The following HHAT variants were observed in gnomAD, a reference collection of about 807,000 sequenced individuals.
The protein encoded by HHAT is protein-cysteine N-palmitoyltransferase HHAT.
A neutral mutation model predicts 70.8 loss-of-function variants in HHAT; 47 were observed. That is an observed-to-expected ratio of 0.66 (90% CI 0.53 to 0.85). The LOEUF is 0.85. HHAT is among the 40% of genes least tolerant of loss of function. HHAT has a pLI of 0.00. For synonymous variants in HHAT, 228 were observed against 247.6 expected, an observed-to-expected ratio of 0.92 and a Z score of 0.74; for missense variants, 609 against 604.8, an observed-to-expected ratio of 1.01 and a Z score of -0.07.
chr1:210,367,419 G>C (rs1203013609), intron 3 of HHAT, among the ~76,000 whole-genome samples: 1 of 152,154 alleles, frequency 6.6e-6, no homozygotes, highest in Non-Finnish European at 1.5e-5. Context: ...AGTGGGCTAA[G>C]TGGGACAGTG....
chr1:210,344,846 G>C (rs1208903438), intron 1 of HHAT, among the ~76,000 whole-genome samples: 1 of 151,784 alleles, frequency 6.6e-6, no homozygotes, highest in Admixed American at 6.6e-5. Flanking sequence ...CTGAGCCCCA[G>C]ATGTTGCCAG....
Position 210,669,347 on chromosome 1 carries a change from T to C in HHAT, c.1391-4941T>C, listed in dbSNP as rs376838108. The stretch of plus-strand genomic sequence containing the variant: ...AATTTAATGCTGACCTTCTCTTCGC[T>C]TCAGCCATTTCCCTCTGTGTCCTAC... On this transcript the variant is annotated intron_variant, in intron 11 of 11. Coordinates refer to ENST00000261458, the MANE Select transcript of HHAT (RefSeq NM_018194.6). Among the ~76,000 whole-genome samples the C allele has an allele frequency of 3.3e-4, 51 of 152,294 alleles. 3 individuals carry two copies. The highest frequency in any genetic ancestry group is 2.9e-3 in the East Asian group (15 of 5,190).
intron 9 of HHAT, among the ~76,000 whole-genome samples, chr1:210,581,751 A>G (rs531891981): frequency 2.0e-5 from 3 of 152,336 alleles, no homozygotes; most frequent in East Asian, 3.9e-4. Context: ...GTCTCCCAGT[A>G]CCTGGTACAG....
chr1:210,605,703 A>C (rs1665256243), intron 10 of HHAT, among the ~76,000 whole-genome samples: 1 of 152,186 alleles, frequency 6.6e-6, no homozygotes, highest in Non-Finnish European at 1.5e-5. Flanking sequence ...GTATGAATGC[A>C]ATAAGTAAAT....
intron 7 of HHAT, among the ~76,000 whole-genome samples, chr1:210,447,351 C>A (rs904119634): frequency 2.6e-5 from 4 of 152,098 alleles, no homozygotes; most frequent in Non-Finnish European, 4.4e-5. Context: ...AGGGTGCTTC[C>A]AAAGCTTGGA....
intron 9 of HHAT, among the ~76,000 whole-genome samples, chr1:210,547,583 G>T (rs2095494688): frequency 6.6e-6 from 1 of 152,086 alleles, no homozygotes; most frequent in Non-Finnish European, 1.5e-5. Context: ...CCTCTATTTG[G>T]CAGTTTTCCA....
At chr1:210,594,586 G>T (rs1287009551) in intron 10 of HHAT, among the ~76,000 whole-genome samples, 2 of 152,088 alleles carry the variant, frequency 1.3e-5, no homozygotes, top group Non-Finnish European at 2.9e-5. Flanking sequence ...TAGTTTGTAG[G>T]CCACAATTAC....
intron 4 of HHAT, among the ~76,000 whole-genome samples, chr1:210,394,410 T>C (rs1355025162): frequency 1.3e-5 from 2 of 152,134 alleles, no homozygotes; most frequent in East Asian, 3.9e-4. Context: ...GGCTTTCAGC[T>C]TTGGCTGTGC....
In HHAT at chr1:210,404,673, C is replaced by T; in HGVS notation, c.678C>T (p.Ile226=). 1 of 1,612,870 alleles carries T rather than the reference C, an allele frequency of 6.2e-7. No homozygotes were observed. Among genetic ancestry groups the T allele is most frequent in the Non-Finnish European group, 8.5e-7 (1 of 1,178,986 alleles). The change falls in exon 6 of 12, where the codon ATC becomes ATT. Residue 226 remains isoleucine, a synonymous_variant. Coordinates refer to ENST00000261458, the MANE Select transcript of HHAT (RefSeq NM_018194.6). ...NGPILSFSEF[I]KQMQQQEHDS... is the part of the protein sequence containing the mutation. ...CCATCCTCAGCTTCTCGGAGTTCATCAAACAGGTAGAGCCCGCTGGGGATG... is the reference window on the plus strand; with the variant it reads ...CCATCCTCAGCTTCTCGGAGTTCATTAAACAGGTAGAGCCCGCTGGGGATG...
intron 7 of HHAT, among the ~76,000 whole-genome samples, chr1:210,450,470 G>A (rs2093729191): frequency 6.6e-6 from 1 of 151,716 alleles, no homozygotes; most frequent in Admixed American, 6.6e-5. Context: ...TATTCTGAAG[G>A]ATTAAAAAAT....
intron 11 of HHAT, among the ~76,000 whole-genome samples, chr1:210,657,537 G>GC (rs1224692433): frequency 6.6e-6 from 1 of 152,190 alleles, no homozygotes; most frequent in East Asian, 1.9e-4. Context: ...CATGGCTGCT[G>GC]CCCCCGGGAA....
intron 3 of HHAT, among the ~76,000 whole-genome samples, chr1:210,380,104 T>C (rs2090517961): frequency 6.6e-6 from 1 of 152,268 alleles, no homozygotes; most frequent in African/African-American, 2.4e-5. Context: ...TGACTCATTG[T>C]ATAATCATTC....
intron 9 of HHAT, among the ~76,000 whole-genome samples, chr1:210,537,288 C>T (rs1892471): frequency 0.19 from 28,539 of 152,046 alleles, 3,262 homozygotes; most frequent in Middle Eastern, 0.28. Context: ...AAGTCCCTCA[C>T]CCTTCTTCTG....
intron 9 of HHAT, among the ~76,000 whole-genome samples, chr1:210,587,024 G>A (rs1660603438): frequency 6.6e-6 from 1 of 152,190 alleles, no homozygotes; most frequent in Non-Finnish European, 1.5e-5. Context: ...CTAGAAAGCT[G>A]GGGAACCGTC....
chr1:210,661,792 A>G (rs1447347931), intron 11 of HHAT, among the ~76,000 whole-genome samples: 5 of 152,166 alleles, frequency 3.3e-5, no homozygotes, highest in African/African-American at 1.2e-4. Flanking sequence ...TGAGCAAACT[A>G]TCACCGTAAA....
At chr1:210,642,602 A>T (rs926488853) in intron 11 of HHAT, among the ~76,000 whole-genome samples, 5 of 152,196 alleles carry the variant, frequency 3.3e-5, no homozygotes, top group Non-Finnish European at 7.4e-5. Context: ...TGATGACTAA[A>T]GTTTAAGTAT....
chr1:210,592,930 G>A (rs1662085948), intron 10 of HHAT, among the ~76,000 whole-genome samples: 1 of 149,480 alleles, frequency 6.7e-6, no homozygotes, highest in Non-Finnish European at 1.5e-5. Flanking sequence ...TGCACAAGGT[G>A]CAGGTTTGTT....
intron 6 of HHAT, among the ~76,000 whole-genome samples, chr1:210,416,281 G>T (rs924318449): frequency 6.6e-6 from 1 of 152,196 alleles, no homozygotes; most frequent in African/African-American, 2.4e-5. Flanking sequence ...CTCACGGAAT[G>T]GGCCTTTATG....
intron 10 of HHAT, among the ~76,000 whole-genome samples, chr1:210,615,387 C>G (rs1049662573): frequency 1.3e-5 from 2 of 152,174 alleles, no homozygotes; most frequent in African/African-American, 2.4e-5. Context: ...GTTCGAACTT[C>G]CTCCTTTAGC....
Sources: allele counts gnomAD v4.1 joint callset (sites outside exome capture counted in the v4.1 genomes callset), GRCh38; gene constraint gnomAD v4.1.1; transcripts MANE v1.5; gene names NCBI Gene and HGNC (gene_info 2026-07-23, HGNC 2026-07-21).